Variants in ATP6V0E1 observed in about 807,000 individuals in gnomAD.
ATP6V0E1 encodes the protein V-type proton ATPase subunit e 1.
In ATP6V0E1, 4 loss-of-function variants were observed where a neutral mutation model predicts 11.6. The observed-to-expected ratio is 0.35, with a 90% CI of 0.17 to 0.79. The LOEUF is 0.79. Ranked by LOEUF, ATP6V0E1 falls within the 30% of genes least tolerant of loss-of-function variation. The pLI is 0.54. For missense variants in ATP6V0E1, 105 were observed against 100.0 expected, an observed-to-expected ratio of 1.05 and a Z score of -0.21; for synonymous variants, 36 against 34.8, an observed-to-expected ratio of 1.04 and a Z score of -0.13.
chr5:173,006,804 GT>G (rs372813705), intron 2 of ATP6V0E1, among the ~76,000 whole-genome samples: 2,184 of 151,874 alleles, frequency 0.014, 22 homozygotes, highest in South Asian at 0.04. Flanking sequence ...GGTTTTGGGG[GT>G]TTTTTTTGGC....
At chr5:173,017,565 G>A (rs1490520859) in intron 2 of ATP6V0E1, among the ~76,000 whole-genome samples, 1 of 146,538 alleles carries the variant, frequency 6.8e-6, no homozygotes, top group Non-Finnish European at 1.5e-5. Flanking sequence ...ATTCCTGGCC[G>A]GCTGCAGTGG....
At chr5:173,016,044 A>G (rs930847745) in intron 2 of ATP6V0E1, among the ~76,000 whole-genome samples, 2 of 152,144 alleles carry the variant, frequency 1.3e-5, no homozygotes, top group African/African-American at 4.8e-5. Context: ...TTTATAGTAA[A>G]CCAGAAAACG....
At chr5:173,020,734 A>G (rs371698779) in intron 3 of ATP6V0E1, 6 of 519,436 alleles carry the variant, frequency 1.2e-5, no homozygotes, top group African/African-American at 9.6e-5. Flanking sequence ...TCTTTCCAGC[A>G]GTAGTCAGCC....
chr5:173,032,233 A>ATTTAC (rs1336464287), intron 3 of ATP6V0E1, among the ~76,000 whole-genome samples: 3,823 of 23,618 alleles, frequency 0.16, 94 homozygotes, highest in Middle Eastern at 0.28. Context: ...CATAATGCAC[A>ATTTAC]TTTACTTTTA....
chr5:173,034,763 G>A lies in ATP6V0E1; in HGVS notation c.*401G>A, dbSNP rs1756713940. The A allele has an allele frequency of 6.7e-6, 2 of 298,198 alleles. No individual in the cohort carries two copies. Among genetic ancestry groups the A allele is most frequent in the Admixed American group, 9.1e-5 (2 of 21,886 alleles). 18.5% of individuals were successfully genotyped at this position (298,198 alleles called of 1,614,324 possible). On this transcript the variant is annotated 3_prime_UTR_variant, in exon 4 of 4. Transcript: ENST00000519374. Reference sequence around the variant, plus strand: ...TGCAAGACAAACAAGACTCCAGTGGGGTGGTCAGTAGGAGAGCACGTTCAG... The same window carrying A: ...TGCAAGACAAACAAGACTCCAGTGGAGTGGTCAGTAGGAGAGCACGTTCAG...
intron 2 of ATP6V0E1, among the ~76,000 whole-genome samples, chr5:173,006,455 A>G (rs374830615): frequency 4.1e-4 from 63 of 152,146 alleles, no homozygotes; most frequent in African/African-American, 1.5e-3. Context: ...CTAAAAATAC[A>G]AAAAATTAGC....
intron 1 of ATP6V0E1, among the ~76,000 whole-genome samples, chr5:172,993,760 G>T (rs2113582705): frequency 7.0e-6 from 1 of 142,062 alleles, no homozygotes; most frequent in South Asian, 2.2e-4. Context: ...AGTCCTAGCT[G>T]CTCAGGAAGC....
chr5:173,031,364 A>G (rs1328262728), intron 3 of ATP6V0E1, among the ~76,000 whole-genome samples: 1 of 149,852 alleles, frequency 6.7e-6, no homozygotes, highest in Non-Finnish European at 1.5e-5. Context: ...GATTACAGGC[A>G]TGAGCCACCG....
chr5:173,006,048 A>G (rs1756224960), intron 2 of ATP6V0E1, among the ~76,000 whole-genome samples: 1 of 152,184 alleles, frequency 6.6e-6, no homozygotes, highest in South Asian at 2.1e-4. Flanking sequence ...TGCAGTTGAA[A>G]AGAATCTATA....
chr5:173,001,330 G>T (rs953540417), intron 2 of ATP6V0E1, among the ~76,000 whole-genome samples: 1 of 151,942 alleles, frequency 6.6e-6, no homozygotes, highest in South Asian at 2.1e-4. Context: ...TCCCAAACAG[G>T]TTCCCCCATC....
At chr5:173,008,302 CTT>C (rs1219833765) in intron 2 of ATP6V0E1, among the ~76,000 whole-genome samples, 13 of 132,476 alleles carry the variant, frequency 9.8e-5, no homozygotes, top group Non-Finnish European at 1.6e-4. Flanking sequence ...CTTTTCTTTT[CTT>C]TTTTTTTTTT....
intron 2 of ATP6V0E1, among the ~76,000 whole-genome samples, chr5:173,005,244 G>T (rs1756212697): frequency 6.6e-6 from 1 of 151,236 alleles, no homozygotes; most frequent in Non-Finnish European, 1.5e-5. Flanking sequence ...TAATGATGTT[G>T]AGTTTTCTAA....
At chr5:173,025,529 TTTG>T (rs1756545942) in intron 3 of ATP6V0E1, among the ~76,000 whole-genome samples, 1 of 141,822 alleles carries the variant, frequency 7.1e-6, no homozygotes, top group African/African-American at 2.8e-5. Context: ...TTTTTTTTTT[TTTG>T]GAGACATGGT....
In ATP6V0E1 at chr5:173,010,986, A is replaced by G. The variant is rs566419484; in HGVS notation, c.153-9252A>G. Among the ~76,000 whole-genome samples the G allele has an allele frequency of 9.9e-5, 15 of 152,214 alleles. No homozygotes were observed. The South Asian group carries it at 2.1e-3, about 21-fold the overall frequency. On this transcript the variant is annotated intron_variant, in intron 2 of 3. Coordinates refer to ENST00000519374, the MANE Select transcript of ATP6V0E1 (RefSeq NM_003945.4). ...GAAGTGGCCAGGGAGGGTTTATAGT[A>G]TGAAGGCACCCATGCATATCTCTAC...
intron 2 of ATP6V0E1, among the ~76,000 whole-genome samples, chr5:173,001,125 A>G (rs1422897967): frequency 1.3e-5 from 2 of 152,228 alleles, no homozygotes; most frequent in African/African-American, 4.8e-5. Context: ...TTCATTCAAC[A>G]TATATTTATT....
At chr5:173,003,095 G>A (rs967512174) in intron 2 of ATP6V0E1, among the ~76,000 whole-genome samples, 2 of 152,108 alleles carry the variant, frequency 1.3e-5, no homozygotes, top group African/African-American at 4.8e-5. Context: ...GAGGTGGGGA[G>A]TGGTAGGTTC....
chr5:173,015,037 AT>A (rs987213419), intron 2 of ATP6V0E1, among the ~76,000 whole-genome samples: 1 of 152,192 alleles, frequency 6.6e-6, no homozygotes, highest in Admixed American at 6.5e-5. Context: ...GTTGAACTTA[AT>A]CAGTGCTCAG....
intron 2 of ATP6V0E1, among the ~76,000 whole-genome samples, chr5:173,003,841 A>C (rs1180354007): frequency 6.6e-6 from 1 of 152,168 alleles, no homozygotes; most frequent in Non-Finnish European, 1.5e-5. Context: ...TCAAACAGGA[A>C]CTTAGCTAAA....
intron 2 of ATP6V0E1, among the ~76,000 whole-genome samples, chr5:172,997,993 C>T (rs901462806): frequency 1.3e-5 from 2 of 151,868 alleles, no homozygotes; most frequent in Non-Finnish European, 2.9e-5. Context: ...CCTGTCGTCC[C>T]AGCTACCGGG....
Sources: allele counts gnomAD v4.1 joint callset (sites outside exome capture counted in the v4.1 genomes callset), GRCh38; gene constraint gnomAD v4.1.1; transcripts MANE v1.5; gene names NCBI Gene and HGNC (gene_info 2026-07-23, HGNC 2026-07-21).